The following PCDH15 variants were observed in gnomAD, a reference collection of about 807,000 sequenced individuals.
PCDH15 encodes the protein protocadherin-15.
Under a neutral mutation model 178.5 loss-of-function variants are expected in PCDH15, and 129 were observed. The ratio of observed to expected loss-of-function variants is 0.72; its 90% CI spans 0.63 to 0.84. The LOEUF is 0.84. PCDH15 is among the 40% of genes least tolerant of loss of function. PCDH15 has a pLI of 0.00. For missense variants in PCDH15, 2,230 were observed against 2,099.9 expected, an observed-to-expected ratio of 1.06 and a Z score of -1.21; for synonymous variants, 800 against 732.0, an observed-to-expected ratio of 1.09 and a Z score of -1.50.
chr10:54,143,005 G>A (rs759660861), intron 14 of PCDH15, among the ~76,000 whole-genome samples: 3 of 152,118 alleles, frequency 2.0e-5, no homozygotes, highest in Middle Eastern at 3.4e-3. Flanking sequence ...TTTGATACTC[G>A]ACAGAATTTC....
intron 20 of PCDH15, among the ~76,000 whole-genome samples, chr10:54,015,010 C>T (rs546517008): frequency 6.6e-6 from 1 of 152,154 alleles, no homozygotes; most frequent in African/African-American, 2.4e-5. Context: ...CTAGAAAACC[C>T]CATAGTCTTT....
chr10:55,614,731 C>G (rs1321437008), intron 2 of PCDH15, among the ~76,000 whole-genome samples: 1 of 151,958 alleles, frequency 6.6e-6, no homozygotes, highest in Non-Finnish European at 1.5e-5. Context: ...AACTTCAAAC[C>G]ATAGGTGTTT....
intron 2 of PCDH15, among the ~76,000 whole-genome samples, chr10:54,564,754 A>C (rs899418643): frequency 6.6e-6 from 1 of 152,158 alleles, no homozygotes; most frequent in Non-Finnish European, 1.5e-5. Context: ...TGGGAATATA[A>C]TTCTATCTCT....
chr10:54,292,417 A>T (rs2133047598), intron 8 of PCDH15, among the ~76,000 whole-genome samples: 2 of 152,340 alleles, frequency 1.3e-5, no homozygotes, highest in South Asian at 4.1e-4. Flanking sequence ...GGAACAAGAC[A>T]GGGATGTCCT....
chr10:55,492,235 G>GA (rs1011128599), intron 2 of PCDH15, among the ~76,000 whole-genome samples: 38 of 150,788 alleles, frequency 2.5e-4, no homozygotes, highest in Non-Finnish European at 2.8e-4. Context: ...AAAGAAAAAA[G>GA]AAAAAAAAAT....
chr10:55,590,481 A>T (rs1236738645), intron 2 of PCDH15, among the ~76,000 whole-genome samples: 3 of 152,100 alleles, frequency 2.0e-5, no homozygotes, highest in Admixed American at 6.6e-5. Context: ...AATAAAATTT[A>T]AAAAAAGAAA....
intron 17 of PCDH15, among the ~76,000 whole-genome samples, chr10:54,067,257 T>C (rs768678405): frequency 9.9e-5 from 15 of 152,186 alleles, no homozygotes; most frequent in Non-Finnish European, 1.6e-4. Context: ...TCTGTAGTTT[T>C]TGCTGCTTGT....
intron 2 of PCDH15, among the ~76,000 whole-genome samples, chr10:55,600,794 G>A (rs187874054): frequency 1.3e-3 from 198 of 152,106 alleles, no homozygotes; most frequent in Non-Finnish European, 2.3e-3. Flanking sequence ...TTGTAGAACC[G>A]GTGCCCAGGT....
intron 3 of PCDH15, among the ~76,000 whole-genome samples, chr10:54,837,029 A>C (rs1254145375): frequency 6.6e-6 from 1 of 152,122 alleles, no homozygotes; most frequent in African/African-American, 2.4e-5. Flanking sequence ...AAAGAAAACC[A>C]TATTTTAGAA....
intron 2 of PCDH15, among the ~76,000 whole-genome samples, chr10:55,450,963 AT>A (rs1839422662): frequency 1.4e-5 from 1 of 72,082 alleles, no homozygotes; most frequent in Non-Finnish European, 3.1e-5. Flanking sequence ...AACTATATAT[AT>A]ATATATATAT....
intron 15 of PCDH15, among the ~76,000 whole-genome samples, chr10:54,129,515 G>A (rs1464084008): frequency 6.6e-6 from 1 of 152,164 alleles, no homozygotes; most frequent in Non-Finnish European, 1.5e-5. Context: ...GTGTGAGTAA[G>A]AAATATATAT....
intron 2 of PCDH15, among the ~76,000 whole-genome samples, chr10:55,442,946 T>C (rs1839230745): frequency 1.3e-5 from 2 of 152,022 alleles, no homozygotes; most frequent in African/African-American, 2.4e-5. Context: ...ATATAGATAT[T>C]ATAGTACAAA....
At chr10:55,017,697 A>G (rs1840216515) in intron 2 of PCDH15, among the ~76,000 whole-genome samples, 1 of 152,124 alleles carries the variant, frequency 6.6e-6, no homozygotes, top group African/African-American at 2.4e-5. Flanking sequence ...ATAAATTATT[A>G]TCTAGTGGCT....
At chr10:54,204,705 G>T (rs185532743) in intron 10 of PCDH15, among the ~76,000 whole-genome samples, 326 of 152,142 alleles carry the variant, frequency 2.1e-3, no homozygotes, top group African/African-American at 7.3e-3. Flanking sequence ...AAGTCCAAGT[G>T]GTAATTTAAT....
chr10:55,349,733 T>C (rs1844860601), intron 2 of PCDH15, among the ~76,000 whole-genome samples: 1 of 152,106 alleles, frequency 6.6e-6, no homozygotes, highest in Admixed American at 6.6e-5. Flanking sequence ...GATTTTTCAT[T>C]TTCATTATCC....
chr10:54,019,423 A>G (rs1196157496), intron 20 of PCDH15, among the ~76,000 whole-genome samples: 2 of 152,074 alleles, frequency 1.3e-5, no homozygotes, highest in African/African-American at 4.8e-5. Context: ...TCAAATGCTG[A>G]TGTTTATGAT....
intron 2 of PCDH15, among the ~76,000 whole-genome samples, chr10:55,033,793 T>C (rs1160292788): frequency 1.3e-5 from 2 of 152,182 alleles, no homozygotes; most frequent in African/African-American, 4.8e-5. Context: ...AGGGATATAA[T>C]GCTATGGTTT....
intron 2 of PCDH15, among the ~76,000 whole-genome samples, chr10:55,434,072 C>CTT (rs1316162910): frequency 2.4e-4 from 20 of 83,992 alleles, no homozygotes; most frequent in African/African-American, 7.6e-4. Context: ...TTTTTCTTTT[C>CTT]TTTTCTTTTT....
chr10:54,705,168 T>C (rs2095353105), intron 1 of PCDH15, among the ~76,000 whole-genome samples: 1 of 152,058 alleles, frequency 6.6e-6, no homozygotes, highest in South Asian at 2.1e-4. Context: ...TGATGCCTAC[T>C]TGAGAGTTTA....
Sources: allele counts gnomAD v4.1 joint callset (sites outside exome capture counted in the v4.1 genomes callset), GRCh38; gene constraint gnomAD v4.1.1; transcripts MANE v1.5; gene names NCBI Gene and HGNC (gene_info 2026-07-23, HGNC 2026-07-21).